ASTN2: variants seen among roughly 807,000 people sequenced by gnomAD.
The protein encoded by ASTN2 is astrotactin-2.
Under a neutral mutation model 139.8 loss-of-function variants are expected in ASTN2, and 54 were observed. The observed-to-expected ratio is 0.39, with a 90% CI of 0.31 to 0.48. The LOEUF is 0.48. Among genes scored for constraint, ASTN2 ranks in the 20% least tolerant of loss-of-function variants. The probability of loss-of-function intolerance (pLI) is 0.95; values close to 1 mark genes in which losing one functional copy is unlikely to be tolerated. For synonymous variants in ASTN2, 756 were observed against 719.5 expected, an observed-to-expected ratio of 1.05 and a Z score of -0.81; for missense variants, 1,565 against 1,725.1, an observed-to-expected ratio of 0.91 and a Z score of 1.64.
chr9:116,756,729 T>C (rs1290939288), intron 13 of ASTN2, among the ~76,000 whole-genome samples: 4 of 151,354 alleles, frequency 2.6e-5, no homozygotes, highest in African/African-American at 9.7e-5. Context: ...CCCTCTCTCA[T>C]TCTTTGTTAT....
chr9:117,002,701 G>T (rs1344527485), intron 7 of ASTN2, among the ~76,000 whole-genome samples: 1 of 152,162 alleles, frequency 6.6e-6, no homozygotes, highest in East Asian at 1.9e-4. Context: ...ATTATTCTTT[G>T]TCTCTTAATT....
intron 19 of ASTN2, chr9:116,584,563 G>A (rs1051240244): frequency 6.6e-6 from 1 of 152,066 alleles, no homozygotes; most frequent in African/African-American, 2.4e-5. Context: ...GTAATAAAGG[G>A]CATATACCAT....
At chr9:116,905,244 A>G (rs1257134564) in intron 10 of ASTN2, among the ~76,000 whole-genome samples, 5 of 152,050 alleles carry the variant, frequency 3.3e-5, no homozygotes, top group Non-Finnish European at 7.4e-5. Flanking sequence ...TAAATGTACA[A>G]CCTATTGTAT....
At chr9:116,786,407 G>A (rs1308023484) in intron 13 of ASTN2, among the ~76,000 whole-genome samples, 1 of 152,052 alleles carries the variant, frequency 6.6e-6, no homozygotes, top group Non-Finnish European at 1.5e-5. Context: ...TGTCTTCCTG[G>A]TTTCCTAGAA....
intron 16 of ASTN2, among the ~76,000 whole-genome samples, chr9:116,724,386 C>T (rs527537661): frequency 1.4e-4 from 22 of 152,136 alleles, no homozygotes; most frequent in Non-Finnish European, 2.1e-4. Context: ...CAGTTGCACA[C>T]AGGAAGCAGA....
chr9:117,228,780 C>T (rs910281124), intron 2 of ASTN2, among the ~76,000 whole-genome samples: 2 of 151,932 alleles, frequency 1.3e-5, no homozygotes, highest in Non-Finnish European at 2.9e-5. Flanking sequence ...TTTAGGAGGC[C>T]GAGGCGGGTG....
chr9:117,218,973 G>C (rs1399376246), intron 2 of ASTN2, among the ~76,000 whole-genome samples: 1 of 152,210 alleles, frequency 6.6e-6, no homozygotes, highest in African/African-American at 2.4e-5. Context: ...TGGTAAACCA[G>C]TGATAGGAGA....
chr9:117,264,687 T>G (rs1833902180), intron 2 of ASTN2, among the ~76,000 whole-genome samples: 1 of 152,200 alleles, frequency 6.6e-6, no homozygotes, highest in African/African-American at 2.4e-5. Flanking sequence ...ATTCTCGGCT[T>G]ACATCCAAAG....
chr9:116,938,290 G>A (rs1178873913), intron 10 of ASTN2, among the ~76,000 whole-genome samples: 3 of 152,070 alleles, frequency 2.0e-5, no homozygotes, highest in Non-Finnish European at 2.9e-5. Context: ...ATCCTTGGTT[G>A]ACAAATGGGA....
intron 16 of ASTN2, among the ~76,000 whole-genome samples, chr9:116,654,611 T>A (rs1439326119): frequency 6.6e-6 from 1 of 152,174 alleles, no homozygotes; most frequent in Non-Finnish European, 1.5e-5. Context: ...ATCTTCACAT[T>A]TTAAAGAAGA....
At chr9:116,467,448 A>C (rs1199036263) in intron 20 of ASTN2, among the ~76,000 whole-genome samples, 1 of 152,088 alleles carries the variant, frequency 6.6e-6, no homozygotes, top group Non-Finnish European at 1.5e-5. Context: ...TGTATTTTTA[A>C]TAGAGACAAG....
chr9:116,727,930 G>A (rs1828674747), intron 15 of ASTN2, among the ~76,000 whole-genome samples: 1 of 152,152 alleles, frequency 6.6e-6, no homozygotes, highest in South Asian at 2.1e-4. Flanking sequence ...TTCCCAGAGG[G>A]TGAAATCCTC....
In ASTN2 at chr9:117,260,455, C is replaced by T. The variant is rs138759262; in HGVS notation, c.630+30871G>A. 2.3e-3 allele frequency among the ~76,000 whole-genome samples: 351 copies of T among 152,282 alleles called. 4 individuals are homozygous for T. Among genetic ancestry groups the T allele is most frequent in the African/African-American group, 7.7e-3 (322 of 41,562 alleles). On this transcript the variant is annotated intron_variant, in intron 2 of 22. Coordinates refer to ENST00000313400, the MANE Select transcript of ASTN2 (RefSeq NM_001365068.1). ...AATGTGGTTTCAGTTCCCGTCCTCA[C>T]TTCCTGGTAACAAACTTCATGTGCT...
At chr9:116,676,131 C>T (rs958864556) in intron 16 of ASTN2, among the ~76,000 whole-genome samples, 14 of 152,042 alleles carry the variant, frequency 9.2e-5, no homozygotes, top group East Asian at 1.9e-4. Context: ...AACAGGGTCA[C>T]GAGAAGCCGC....
chr9:116,989,257 G>T (rs1320398615), intron 7 of ASTN2, among the ~76,000 whole-genome samples: 1 of 152,158 alleles, frequency 6.6e-6, no homozygotes. Context: ...CCATACCTGT[G>T]TGTCCTGCCC....
chr9:116,888,306 GACT>G (rs1833669632), intron 10 of ASTN2, among the ~76,000 whole-genome samples: 1 of 152,072 alleles, frequency 6.6e-6, no homozygotes, highest in South Asian at 2.1e-4. Flanking sequence ...ATTCATTCAT[GACT>G]ACTTTGTGTA....
intron 11 of ASTN2, among the ~76,000 whole-genome samples, chr9:116,833,868 A>C (rs1831900598): frequency 6.6e-6 from 1 of 152,202 alleles, no homozygotes; most frequent in South Asian, 2.1e-4. Context: ...TTAAGCCCTT[A>C]TAAATGTGAT....
intron 17 of ASTN2, among the ~76,000 whole-genome samples, chr9:116,620,838 T>C (rs1024306638): frequency 1.3e-5 from 2 of 152,196 alleles, no homozygotes; most frequent in South Asian, 2.1e-4. Flanking sequence ...ACGATAGCGA[T>C]AGAGCTAGGA....
At chr9:116,762,959 A>G (rs1245553212) in intron 13 of ASTN2, among the ~76,000 whole-genome samples, 1 of 152,248 alleles carries the variant, frequency 6.6e-6, no homozygotes, top group African/African-American at 2.4e-5. Context: ...GATGAAACTG[A>G]GGCTCAGAGA....
Sources: gnomAD v4.1 joint callset for allele counts (sites outside exome capture counted in the v4.1 genomes callset) on GRCh38, gnomAD v4.1.1 for gene constraint, MANE v1.5 for transcripts, NCBI Gene and HGNC (gene_info 2026-07-23, HGNC 2026-07-21) for gene names.